The following LAMA2 variants were observed in gnomAD, a reference collection of about 807,000 sequenced individuals.
The protein encoded by LAMA2 is laminin subunit alpha 2.
A neutral mutation model predicts 364.8 loss-of-function variants in LAMA2; 269 were observed. The observed-to-expected ratio is 0.74, with a 90% CI of 0.67 to 0.82. LAMA2 has a LOEUF of 0.82. Among genes scored for constraint, LAMA2 ranks in the 40% least tolerant of loss-of-function variants. The pLI, the probability that LAMA2 is intolerant of heterozygous loss-of-function variation, is 0.00. For missense variants in LAMA2, 3,807 were observed against 3,873.2 expected (o/e 0.98, Z 0.45); for synonymous variants, 1,379 against 1,370.6 (o/e 1.01, Z -0.14).
intron 38 of LAMA2, 114 bp from the exon 39 acceptor site, chr6:129,402,208 CAA>C (rs372396435): frequency 9.3e-3 from 4,105 of 442,496 alleles, no homozygotes; most frequent in Admixed American, 0.013. Context: ...GACTCTGTCT[CAA>C]AAAAAAAAAA....
chr6:129,193,284 C>T (rs1781641524), intron 12 of LAMA2, among the ~76,000 whole-genome samples: 1 of 152,112 alleles, frequency 6.6e-6, no homozygotes, highest in East Asian at 1.9e-4. Flanking sequence ...TTTCCTTCTA[C>T]CTGATATGAA....
intron 1 of LAMA2, among the ~76,000 whole-genome samples, chr6:129,022,947 G>A (rs898252059): frequency 2.6e-5 from 4 of 151,986 alleles, no homozygotes; most frequent in African/African-American, 4.8e-5. Flanking sequence ...CCCTCCACCC[G>A]TTATATCAGG....
At chr6:129,180,618 T>A (rs1780871458) in intron 10 of LAMA2, among the ~76,000 whole-genome samples, 1 of 152,162 alleles carries the variant, frequency 6.6e-6, no homozygotes, top group South Asian at 2.1e-4. Flanking sequence ...GCTGTATTAT[T>A]TTTCCTGTGG....
At chr6:129,106,543 A>G (rs1258031127) in intron 4 of LAMA2, among the ~76,000 whole-genome samples, 2 of 152,168 alleles carry the variant, frequency 1.3e-5, no homozygotes, top group East Asian at 3.9e-4. Context: ...TTGGGGTTTC[A>G]GGCTTCCTTT....
At chr6:129,202,260 T>C (rs1782350794) in intron 12 of LAMA2, among the ~76,000 whole-genome samples, 1 of 143,640 alleles carries the variant, frequency 7.0e-6, no homozygotes. Context: ...TAAGGAAGAA[T>C]AGTTTCTTGT....
chr6:129,345,062 A>T (rs1401622797), intron 30 of LAMA2, among the ~76,000 whole-genome samples: 8 of 152,132 alleles, frequency 5.3e-5, no homozygotes, highest in Non-Finnish European at 1.2e-4. Flanking sequence ...GTCTGATTGG[A>T]GGGCTTCAAA....
chr6:129,513,060 T>G (rs2571575), intron 63 of LAMA2, among the ~76,000 whole-genome samples: 113,623 of 152,144 alleles, frequency 0.75, 43,051 homozygotes, highest in Admixed American at 0.81. Context: ...CAGCCCTGCA[T>G]TAAGACAACT....
chr6:128,939,599 C>A (rs905558727), intron 1 of LAMA2, among the ~76,000 whole-genome samples: 1 of 152,014 alleles, frequency 6.6e-6, no homozygotes, highest in Non-Finnish European at 1.5e-5. Flanking sequence ...AGGAATTCCA[C>A]CCAACGATGA....
intron 31 of LAMA2, among the ~76,000 whole-genome samples, chr6:129,351,260 T>C (rs997774153): frequency 1.3e-5 from 2 of 152,144 alleles, no homozygotes; most frequent in East Asian, 3.8e-4. Context: ...GTGTATAGAA[T>C]AGGCTAGAAG....
At position 128,975,069 on chromosome 6, in the gene LAMA2, G is replaced by A. The variant is rs192608008; in HGVS notation, c.113-74849G>A. Among the ~76,000 whole-genome samples the A allele has an allele frequency of 9.4e-3, 1,423 of 152,104 alleles. 29 individuals are homozygous for A. The highest frequency in any genetic ancestry group is 0.033 in the African/African-American group (1,372 of 41,500). On this transcript the variant is annotated intron_variant, in intron 1 of 64. Transcript: ENST00000421865. ...AGGTTTCACTGTGTTAGCCAGGATGGTCTTGATCTCCTGACCTCGTGATCC... is the reference window on the plus strand; with the variant it reads ...AGGTTTCACTGTGTTAGCCAGGATGATCTTGATCTCCTGACCTCGTGATCC...
intron 52 of LAMA2, among the ~76,000 whole-genome samples, chr6:129,473,619 G>A (rs1160111186): frequency 1.3e-5 from 2 of 150,918 alleles, no homozygotes; most frequent in African/African-American, 2.4e-5. Flanking sequence ...AGTAATTAAA[G>A]GTAGAAGCCA....
Position 128,995,044 on chromosome 6 carries a change from A to G in LAMA2, c.113-54874A>G, listed in dbSNP as rs114078627. Among the ~76,000 whole-genome samples, 1,427 of 152,224 alleles carry G rather than the reference A, an allele frequency of 9.4e-3. 33 individuals are homozygous for G. The highest frequency in any genetic ancestry group is 0.033 in the African/African-American group (1,351 of 41,490). The stretch of plus-strand genomic sequence containing the variant: ...CTGTGATATACCATATTTTTGTCAT[A>G]GTAACAACAATTTAATTCTGATTCT... On this transcript the variant is annotated intron_variant, in intron 1 of 64. Transcript: ENST00000421865.
intron 48 of LAMA2, 84 bp downstream of exon 48, chr6:129,456,578 C>A: frequency 1.6e-6 from 2 of 1,237,152 alleles, no homozygotes; most frequent in Non-Finnish European, 2.4e-6. Flanking sequence ...TATGATAAAG[C>A]TCTGTAAAAC....
At chr6:129,362,757 G>T (rs1777539384) in intron 32 of LAMA2, among the ~76,000 whole-genome samples, 2 of 152,132 alleles carry the variant, frequency 1.3e-5, no homozygotes, top group Admixed American at 1.3e-4. Context: ...AGGGTATAGG[G>T]CTGGGGGTGG....
At chr6:129,277,389 A>T (rs2114381518) in intron 17 of LAMA2, among the ~76,000 whole-genome samples, 1 of 152,286 alleles carries the variant, frequency 6.6e-6, no homozygotes, top group East Asian at 1.9e-4. Context: ...TTGTTGTTGA[A>T]TGCCATCTTC....
At chr6:129,183,490 G>A (rs1337199521) in intron 10 of LAMA2, among the ~76,000 whole-genome samples, 1 of 151,810 alleles carries the variant, frequency 6.6e-6, no homozygotes, top group African/African-American at 2.4e-5. Flanking sequence ...ACAGGCCCAC[G>A]AGACTATGTG....
chr6:129,258,075 G>A (rs981391641), intron 14 of LAMA2, among the ~76,000 whole-genome samples: 2 of 151,932 alleles, frequency 1.3e-5, no homozygotes, highest in Non-Finnish European at 2.9e-5. Context: ...TTCGACAAAA[G>A]TCTACTGAAC....
intron 1 of LAMA2, among the ~76,000 whole-genome samples, chr6:128,974,058 A>C (rs1471133809): frequency 2.6e-5 from 4 of 152,168 alleles, no homozygotes; most frequent in Non-Finnish European, 4.4e-5. Flanking sequence ...AAAAGTCCTA[A>C]ATATATCACA....
Position 129,341,332 on chromosome 6 carries a change from CTT to C in LAMA2, c.4312-1006_4312-1005del, listed in dbSNP as rs373247088. 1.3e-4 allele frequency among the ~76,000 whole-genome samples: 20 copies of C among 152,304 alleles called. No homozygotes were observed. The South Asian group carries it at 3.7e-3, about 28-fold the overall frequency. On this transcript the variant is annotated intron_variant, in intron 29 of 64. Coordinates refer to ENST00000421865, the MANE Select transcript of LAMA2 (RefSeq NM_000426.4). The stretch of plus-strand genomic sequence containing the variant: ...ACATGTCCATCTAGTTTGTAACTGA[CTT>C]TTTTGTTTCTCAACTTTTCTTTCGA...
Sources: allele counts gnomAD v4.1 joint callset (sites outside exome capture counted in the v4.1 genomes callset), GRCh38; gene constraint gnomAD v4.1.1; transcripts MANE v1.5; gene names NCBI Gene and HGNC (gene_info 2026-07-23, HGNC 2026-07-21).